LPAR1: variants seen among roughly 807,000 people sequenced by gnomAD.
LPAR1 encodes lysophosphatidic acid receptor 1.
Under a neutral mutation model 23.8 loss-of-function variants are expected in LPAR1, and 5 were observed. The observed-to-expected ratio is 0.21, with a 90% CI of 0.11 to 0.44. The LOEUF (loss-of-function observed/expected upper bound fraction) is 0.44, where lower values mean the gene tolerates loss of function less well. Among genes scored for constraint, LPAR1 ranks in the 20% least tolerant of loss-of-function variants. The pLI, the probability that LPAR1 is intolerant of heterozygous loss-of-function variation, is 0.99. For missense variants in LPAR1, 311 were observed against 482.8 expected (o/e 0.64, Z 3.33); for synonymous variants, 160 against 164.7 (o/e 0.97, Z 0.22).
intron 4 of LPAR1, among the ~76,000 whole-genome samples, chr9:110,963,658 T>C (rs1429544429): frequency 2.0e-5 from 3 of 151,606 alleles, no homozygotes; most frequent in South Asian, 4.2e-4. Context: ...TAAAGTGTAA[T>C]AATAATAAAA....
intron 1 of LPAR1, among the ~76,000 whole-genome samples, chr9:111,036,522 A>G (rs557647661): frequency 1.6e-4 from 24 of 152,146 alleles, no homozygotes; most frequent in Middle Eastern, 3.4e-3. Context: ...CTCTAACACA[A>G]TAAGATAACC....
At chr9:110,956,116 T>G (rs987263259) in intron 4 of LPAR1, among the ~76,000 whole-genome samples, 1 of 151,798 alleles carries the variant, frequency 6.6e-6, no homozygotes, top group African/African-American at 2.4e-5. Flanking sequence ...AAACCATCAT[T>G]ATCAGCAAAC....
In LPAR1 at chr9:111,023,421, G is replaced by A. The variant is rs888216458; in HGVS notation, c.-182+12701C>T. Among the ~76,000 whole-genome samples the A allele has an allele frequency of 2.6e-5, 4 of 152,106 alleles. 1 individual carries two copies. The highest frequency in any genetic ancestry group is 9.7e-5 in the African/African-American group (4 of 41,418). On this transcript the variant is annotated intron_variant, in intron 2 of 5. Coordinates refer to ENST00000683809, the MANE Select transcript of LPAR1 (RefSeq NM_001351411.2). Reference sequence around the variant, plus strand: ...AATGTCAGTTCCCCAGGGAAATCCTGAATCACCCCCAAAGTCAGATGAGGT... The same window carrying A: ...AATGTCAGTTCCCCAGGGAAATCCTAAATCACCCCCAAAGTCAGATGAGGT...
At chr9:111,002,428 T>C (rs2097144796) in intron 2 of LPAR1, among the ~76,000 whole-genome samples, 1 of 152,194 alleles carries the variant, frequency 6.6e-6, no homozygotes, top group South Asian at 2.1e-4. Context: ...GTGTATGTAT[T>C]CTAGCTCTCT....
At chr9:110,947,938 A>G (rs996975874) in intron 4 of LPAR1, among the ~76,000 whole-genome samples, 8 of 151,164 alleles carry the variant, frequency 5.3e-5, no homozygotes, top group Admixed American at 6.6e-5. Flanking sequence ...AATCAAACCA[A>G]CTTACTTCCT....
At chr9:111,009,542 G>A (rs1327857683) in intron 2 of LPAR1, among the ~76,000 whole-genome samples, 1 of 152,052 alleles carries the variant, frequency 6.6e-6, no homozygotes, top group Non-Finnish European at 1.5e-5. Flanking sequence ...ATATTTGGAA[G>A]AATTGGTAAA....
intron 2 of LPAR1, among the ~76,000 whole-genome samples, chr9:111,020,236 C>T (rs992600721): frequency 1.3e-5 from 2 of 152,206 alleles, no homozygotes; most frequent in African/African-American, 4.8e-5. Flanking sequence ...TAATAAATCT[C>T]TTGTAGAAAG....
At chr9:110,945,473 C>T (rs2095338949) in intron 4 of LPAR1, 1 of 152,118 alleles carries the variant, frequency 6.6e-6, no homozygotes, top group Non-Finnish European at 1.5e-5. Flanking sequence ...TGGGACATCT[C>T]TGATTTGTGT....
chr9:110,991,241 G>A (rs2096886925), intron 2 of LPAR1, among the ~76,000 whole-genome samples: 1 of 152,142 alleles, frequency 6.6e-6, no homozygotes, highest in African/African-American at 2.4e-5. Flanking sequence ...GCTCATTTCT[G>A]CTTGTCAACA....
At chr9:110,978,307 A>G (rs921623805) in intron 2 of LPAR1, among the ~76,000 whole-genome samples, 2 of 152,184 alleles carry the variant, frequency 1.3e-5, no homozygotes, top group Non-Finnish European at 2.9e-5. Context: ...AGCAAAAAAT[A>G]AAATTAGTGA....
intron 5 of LPAR1, among the ~76,000 whole-genome samples, chr9:110,890,586 T>A (rs2083827247): frequency 6.6e-6 from 1 of 152,156 alleles, no homozygotes; most frequent in Non-Finnish European, 1.5e-5. Context: ...AATTCCAGGG[T>A]CCTTAGCACC....
intron 5 of LPAR1, among the ~76,000 whole-genome samples, chr9:110,923,327 T>C (rs926688225): frequency 3.3e-5 from 5 of 152,208 alleles, no homozygotes; most frequent in Non-Finnish European, 7.3e-5. Flanking sequence ...TTAGGATTTT[T>C]TGACTTTATG....
intron 5 of LPAR1, among the ~76,000 whole-genome samples, chr9:110,878,748 C>G (rs920909973): frequency 1.3e-5 from 2 of 152,282 alleles, no homozygotes; most frequent in South Asian, 4.1e-4. Flanking sequence ...CCATGACTTA[C>G]GTGAGTGGCA....
At chr9:110,877,951 A>T (rs1236287458) in intron 5 of LPAR1, among the ~76,000 whole-genome samples, 1 of 152,160 alleles carries the variant, frequency 6.6e-6, no homozygotes, top group Non-Finnish European at 1.5e-5. Flanking sequence ...AAAAGGTGTA[A>T]GATCTTTCCA....
At chr9:110,903,238 C>T (rs1226777933) in intron 5 of LPAR1, 1 of 151,956 alleles carries the variant, frequency 6.6e-6, no homozygotes, top group Non-Finnish European at 1.5e-5. Flanking sequence ...AGCAGCCATC[C>T]TCAAAATGGT....
chr9:110,959,048 A>T (rs1196508675), intron 4 of LPAR1, among the ~76,000 whole-genome samples: 1 of 151,080 alleles, frequency 6.6e-6, no homozygotes, highest in Non-Finnish European at 1.5e-5. Context: ...GGCTATTATT[A>T]AAAAGACAAA....
At chr9:110,894,836 T>C (rs2085744435) in intron 5 of LPAR1, among the ~76,000 whole-genome samples, 1 of 148,984 alleles carries the variant, frequency 6.7e-6, no homozygotes, top group Admixed American at 6.6e-5. Context: ...GGCAACGAGC[T>C]GAAACCCTAC....
intron 2 of LPAR1, among the ~76,000 whole-genome samples, chr9:110,998,027 AG>A: frequency 6.6e-6 from 1 of 152,304 alleles, no homozygotes; most frequent in Non-Finnish European, 1.5e-5. Context: ...CAGATGTATG[AG>A]CCCCACCCCA....
intron 4 of LPAR1, among the ~76,000 whole-genome samples, chr9:110,968,628 G>T (rs2096298219): frequency 6.6e-6 from 1 of 152,120 alleles, no homozygotes; most frequent in Non-Finnish European, 1.5e-5. Context: ...TCCTGTATTT[G>T]TGCATTCCTG....
Sources: allele counts gnomAD v4.1 joint callset (sites outside exome capture counted in the v4.1 genomes callset), GRCh38; gene constraint gnomAD v4.1.1; transcripts MANE v1.5; gene names NCBI Gene and HGNC (gene_info 2026-07-23, HGNC 2026-07-21).